CPAMD8: variants seen among roughly 807,000 people sequenced by gnomAD.
CPAMD8 encodes C3 and PZP like alpha-2-macroglobulin domain containing 8.
A neutral mutation model predicts 224.7 loss-of-function variants in CPAMD8; 146 were observed. The observed-to-expected ratio is 0.65, with a 90% confidence interval of 0.57 to 0.75. The LOEUF is 0.75. Among genes scored for constraint, CPAMD8 ranks in the 30% least tolerant of loss-of-function variants. CPAMD8 has a pLI of 0.00. For synonymous variants in CPAMD8, 966 were observed against 1,044.6 expected (o/e 0.92, Z 1.45); for missense variants, 2,301 against 2,537.5 (o/e 0.91, Z 2.00).
intron 7 of CPAMD8, 81 bp from the exon 8 acceptor site, chr19:17,004,467 C>T (rs917110010): frequency 1.2e-4 from 101 of 858,798 alleles, no homozygotes; most frequent in African/African-American, 1.3e-4. Context: ...CAGGACCCTG[C>T]TCCTTCTCCT....
chr19:16,910,933 A>G (rs1053769060), intron 29 of CPAMD8: 2 of 152,420 alleles, frequency 1.3e-5, no homozygotes, highest in Non-Finnish European at 2.9e-5. Context: ...CTCTTCCCTT[A>G]GAGCCTGCAG....
At chr19:16,935,587 C>T (rs1286028869) in intron 23 of CPAMD8, among the ~76,000 whole-genome samples, 1 of 152,134 alleles carries the variant, frequency 6.6e-6, no homozygotes, top group Admixed American at 6.6e-5. Flanking sequence ...ATAGTTTGTC[C>T]TTTTTATTAA....
intron 26 of CPAMD8, among the ~76,000 whole-genome samples, chr19:16,923,123 A>G (rs2053237021): frequency 6.6e-6 from 1 of 152,128 alleles, no homozygotes; most frequent in African/African-American, 2.4e-5. Flanking sequence ...GGAGCAGGGA[A>G]CGAGGGGGTG....
At chr19:16,943,715 T>C (rs1002663416) in intron 22 of CPAMD8, among the ~76,000 whole-genome samples, 2 of 152,194 alleles carry the variant, frequency 1.3e-5, no homozygotes, top group African/African-American at 4.8e-5. Context: ...ATTCCCCAGT[T>C]GACTGTTATA....
chr19:17,004,306 C>T lies in CPAMD8; in HGVS notation c.640G>A (p.Ala214Thr), dbSNP rs767087866. Residue 214 changes from alanine to threonine, a missense_variant, in exon 8 of 42, where the codon GCG (alanine) becomes ACG (threonine). Physicochemically the swap from Ala to Thr is moderately conservative, Grantham distance 58 (BLOSUM62 0). Around this residue, in one of 4 missense-constraint regions of CPAMD8, gnomAD observed 283 missense variants for 340.6 expected, o/e 0.83. Coordinates refer to ENST00000443236, the MANE Select transcript of CPAMD8 (RefSeq NM_015692.5). ...WFIFVEMQGH[A>T]YNKSFEVQKY... ...TGAACTTCAAAAGACTTGTTGTACG[C>T]GTGGCCTTGCATTTCAACAAAAATG... is the stretch of plus-strand genomic sequence containing the variant. 47 of 1,611,736 alleles carry T rather than the reference C, an allele frequency of 2.9e-5. No individual in the cohort carries two copies. The highest frequency in any genetic ancestry group is 6.7e-5 in the African/African-American group (5 of 74,872).
At chr19:16,966,727 C>T (rs181296275) in intron 18 of CPAMD8, among the ~76,000 whole-genome samples, 20 of 152,210 alleles carry the variant, frequency 1.3e-4, no homozygotes, top group Middle Eastern at 3.4e-3. Context: ...ATGCATCCAA[C>T]ACATGAAAAA....
chr19:16,896,063 G>A (rs1234661521), intron 41 of CPAMD8, 113 bp downstream of exon 41: 2 of 1,208,108 alleles, frequency 1.7e-6, no homozygotes, highest in Admixed American at 1.7e-5. Flanking sequence ...CCAGTGGGGG[G>A]TCGGGGCGGG....
intron 9 of CPAMD8, 144 bp downstream of exon 9, chr19:17,002,122 G>A: frequency 1.6e-6 from 1 of 615,908 alleles, no homozygotes; most frequent in Admixed American, 2.7e-5. Flanking sequence ...ACACCCCAGG[G>A]AGGAGGGAAC....
chr19:16,936,393 T>TTTTG (rs566842546), intron 23 of CPAMD8, among the ~76,000 whole-genome samples: 227 of 152,172 alleles, frequency 1.5e-3, no homozygotes, highest in African/African-American at 4.9e-3. Context: ...TTGCCCACTT[T>TTTTG]TTTGTTTGTT....
intron 36 of CPAMD8, among the ~76,000 whole-genome samples, chr19:16,900,739 T>C (rs1255940506): frequency 6.6e-6 from 1 of 151,362 alleles, no homozygotes; most frequent in Non-Finnish European, 1.5e-5. Flanking sequence ...GGGCTGGGCA[T>C]AGTGGCTCAT....
At chr19:16,918,757 T>G (rs1476074389) in intron 27 of CPAMD8, among the ~76,000 whole-genome samples, 1 of 151,574 alleles carries the variant, frequency 6.6e-6, no homozygotes, top group Non-Finnish European at 1.5e-5. Flanking sequence ...CTTTTTTTTT[T>G]TTTTTTTTTT....
intron 22 of CPAMD8, among the ~76,000 whole-genome samples, chr19:16,941,354 G>A (rs557851064): frequency 1.4e-5 from 2 of 143,972 alleles, no homozygotes; most frequent in African/African-American, 5.2e-5. Context: ...TTGAGCCATA[G>A]AAGCAAGCAC....
chr19:16,971,853 C>G (rs2055073769), intron 17 of CPAMD8, among the ~76,000 whole-genome samples: 1 of 152,100 alleles, frequency 6.6e-6, no homozygotes, highest in African/African-American at 2.4e-5. Flanking sequence ...TCAACACCAG[C>G]CTGGCCAACA....
At chr19:16,955,944 T>G (rs2054458849) in intron 19 of CPAMD8, among the ~76,000 whole-genome samples, 1 of 152,204 alleles carries the variant, frequency 6.6e-6, no homozygotes, top group South Asian at 2.1e-4. Context: ...CTCAAAGTGC[T>G]GGGATTACAG....
At chr19:16,911,051 G>A (rs1599679992) in intron 29 of CPAMD8, among the ~76,000 whole-genome samples, 1 of 152,300 alleles carries the variant, frequency 6.6e-6, no homozygotes, top group East Asian at 1.9e-4. Flanking sequence ...ATTTGTTATG[G>A]CAGCCACAGG....
intron 18 of CPAMD8, among the ~76,000 whole-genome samples, chr19:16,962,900 A>G (rs972001265): frequency 3.3e-5 from 5 of 152,230 alleles, no homozygotes; most frequent in Admixed American, 2.0e-4. Flanking sequence ...ACATTCTTAA[A>G]GAAAAGAATT....
At chr19:16,893,401 G>A (rs546066456) in intron 41 of CPAMD8, 62 bp from the exon 42 acceptor site, 104 of 1,186,964 alleles carry the variant, frequency 8.8e-5, no homozygotes, top group Admixed American at 6.3e-4. Flanking sequence ...GCCTCGGGCT[G>A]AGGAAGGAGC....
chr19:17,017,627 C>T (rs1000384359), intron 3 of CPAMD8, among the ~76,000 whole-genome samples: 2 of 152,206 alleles, frequency 1.3e-5, no homozygotes, highest in Admixed American at 6.6e-5. Flanking sequence ...CCAGCCCCAA[C>T]CCAGCTGTGA....
intron 39 of CPAMD8, chr19:16,897,038 C>T (rs1183109163): frequency 7.1e-6 from 1 of 141,372 alleles, no homozygotes; most frequent in East Asian, 1.8e-4. Context: ...CCCGCCCCCT[C>T]CGCGGTGACC....
Sources: gnomAD v4.1 joint callset for allele counts (sites outside exome capture counted in the v4.1 genomes callset) on GRCh38, gnomAD v4.1.1 for gene constraint, gnomAD v4.1.1 regional missense constraint, MANE v1.5 for transcripts, NCBI Gene and HGNC (gene_info 2026-07-23, HGNC 2026-07-21) for gene names.